The following ENTREP2 variants were observed in gnomAD, a reference collection of about 807,000 sequenced individuals.
ENTREP2 encodes the protein protein ENTREP2.
At chr15:29,645,074 T>A in the ENTREP2 span, among the ~76,000 whole-genome samples, 1 of 151,864 alleles carries the variant, frequency 6.6e-6, no homozygotes, top group African/African-American at 2.4e-5. Context: ...ATAAATTGAG[T>A]TCATTGGGAG....
At chr15:29,239,354 A>G in the ENTREP2 span, among the ~76,000 whole-genome samples, 6 of 152,170 alleles carry the variant, frequency 3.9e-5, no homozygotes, top group Non-Finnish European at 8.8e-5. Context: ...ACCACGCATC[A>G]TACTTGAGGC....
At chr15:29,410,214 C>A in the ENTREP2 span, among the ~76,000 whole-genome samples, 1 of 152,180 alleles carries the variant, frequency 6.6e-6, no homozygotes, top group African/African-American at 2.4e-5. Flanking sequence ...ATTTCCTTTC[C>A]TTTCTCTCTG....
At chr15:29,483,757 T>C in the ENTREP2 span, among the ~76,000 whole-genome samples, 4,622 of 152,344 alleles carry the variant, frequency 0.03, 236 homozygotes, top group African/African-American at 0.11. Flanking sequence ...TCAACTATTC[T>C]GAATCTTTTG....
chr15:29,270,125 A>AG, the ENTREP2 span, among the ~76,000 whole-genome samples: 1 of 152,062 alleles, frequency 6.6e-6, no homozygotes, highest in Admixed American at 6.5e-5. Flanking sequence ...TGAACGTGTG[A>AG]GAAAAAAAAA....
the ENTREP2 span, among the ~76,000 whole-genome samples, chr15:29,366,913 G>C: frequency 6.6e-6 from 1 of 152,184 alleles, no homozygotes; most frequent in East Asian, 1.9e-4. Context: ...AGATTGCCAA[G>C]TGATGGATAC....
the ENTREP2 span, among the ~76,000 whole-genome samples, chr15:29,193,883 C>T: frequency 6.6e-6 from 1 of 151,940 alleles, no homozygotes; most frequent in Non-Finnish European, 1.5e-5. Flanking sequence ...TAGGATAGCA[C>T]CAATAAATGT....
chr15:29,361,479 C>T, the ENTREP2 span, among the ~76,000 whole-genome samples: 2 of 152,108 alleles, frequency 1.3e-5, no homozygotes, highest in African/African-American at 4.8e-5. Context: ...CAGCAATTTC[C>T]TCCCATTATC....
At chr15:29,386,691 G>T in the ENTREP2 span, among the ~76,000 whole-genome samples, 2 of 152,134 alleles carry the variant, frequency 1.3e-5, no homozygotes, top group Non-Finnish European at 2.9e-5. Context: ...GATTAGACTG[G>T]GTCATGAGGA....
At chr15:29,218,929 C>G in the ENTREP2 span, among the ~76,000 whole-genome samples, 1 of 152,054 alleles carries the variant, frequency 6.6e-6, no homozygotes, top group East Asian at 1.9e-4. Flanking sequence ...GACCAGGAAC[C>G]CAAAAACAAA....
chr15:29,179,953 T>C, the ENTREP2 span, among the ~76,000 whole-genome samples: 1 of 151,936 alleles, frequency 6.6e-6, no homozygotes, highest in East Asian at 1.9e-4. Flanking sequence ...AGCAGATGAA[T>C]TTGCCCAAGG....
the ENTREP2 span, among the ~76,000 whole-genome samples, chr15:29,134,843 AG>A: frequency 6.6e-6 from 1 of 152,276 alleles, no homozygotes; most frequent in African/African-American, 2.4e-5. Context: ...TCAAAGTGAC[AG>A]GGAGAGCATT....
chr15:29,510,587 C>T, the ENTREP2 span, among the ~76,000 whole-genome samples: 5 of 151,674 alleles, frequency 3.3e-5, no homozygotes, highest in African/African-American at 9.7e-5. Context: ...GGGCGGATCA[C>T]GAGGTCAGGA....
chr15:29,533,297 A>G, the ENTREP2 span, among the ~76,000 whole-genome samples: 1 of 152,192 alleles, frequency 6.6e-6, no homozygotes, highest in Non-Finnish European at 1.5e-5. Flanking sequence ...CACCCTGTCT[A>G]TATTTTTCTT....
the ENTREP2 span, among the ~76,000 whole-genome samples, chr15:29,193,211 G>A: frequency 6.6e-6 from 1 of 152,164 alleles, no homozygotes; most frequent in African/African-American, 2.4e-5. Flanking sequence ...AACTGGCAAA[G>A]CATTGTTTCT....
At chr15:29,463,573 A>G in the ENTREP2 span, among the ~76,000 whole-genome samples, 62 of 152,316 alleles carry the variant, frequency 4.1e-4, no homozygotes, top group Non-Finnish European at 2.1e-4. Context: ...ATACCAAGGA[A>G]CTATCAATGT....
chr15:29,668,755 T>G, the ENTREP2 span, among the ~76,000 whole-genome samples: 14 of 152,322 alleles, frequency 9.2e-5, no homozygotes, highest in South Asian at 2.7e-3. Context: ...CATTCCCTTA[T>G]CTGTCTAAAG....
At chr15:29,251,320 C>T in the ENTREP2 span, among the ~76,000 whole-genome samples, 1 of 152,194 alleles carries the variant, frequency 6.6e-6, no homozygotes, top group Non-Finnish European at 1.5e-5. Context: ...CAGAATGCAA[C>T]CAAACACACT....
the ENTREP2 span, among the ~76,000 whole-genome samples, chr15:29,465,937 T>C: frequency 2.6e-5 from 4 of 152,196 alleles, no homozygotes; most frequent in Non-Finnish European, 5.9e-5. Flanking sequence ...AGATCTGGCA[T>C]TGCTGAAGCT....
the ENTREP2 span, chr15:29,268,049 A>G: frequency 6.6e-6 from 1 of 152,214 alleles, no homozygotes; most frequent in African/African-American, 2.4e-5. Context: ...AACAACTTCT[A>G]CAAAACAGCA....
Sources: gnomAD v4.1 joint callset for allele counts (sites outside exome capture counted in the v4.1 genomes callset) on GRCh38, gnomAD v4.1.1 for gene constraint, MANE v1.5 for transcripts, NCBI Gene and HGNC (gene_info 2026-07-23, HGNC 2026-07-21) for gene names.